The following CFAP97 variants were observed in gnomAD, a reference collection of about 807,000 sequenced individuals.
The protein encoded by CFAP97 is cilia- and flagella-associated protein 97.
In CFAP97, 36 loss-of-function variants were observed where a neutral mutation model predicts 43.1. The observed-to-expected ratio is 0.84, with a 90% CI of 0.64 to 1.10. The LOEUF is 1.10. Ranked by LOEUF, CFAP97 falls within the 50% of genes least tolerant of loss-of-function variation. The pLI, the probability that CFAP97 is intolerant of heterozygous loss-of-function variation, is 0.00. For synonymous variants in CFAP97, 228 were observed against 225.7 expected (o/e 1.01, Z -0.09); for missense variants, 657 against 620.3 (o/e 1.06, Z -0.63).
intron 1 of CFAP97, among the ~76,000 whole-genome samples, chr4:185,194,243 C>T (rs1227316866): frequency 2.0e-5 from 3 of 152,180 alleles, no homozygotes; most frequent in African/African-American, 7.2e-5. Flanking sequence ...AATCCCAACA[C>T]TTTGGGAAGC....
At chr4:185,176,198 C>T (rs907096753) in intron 2 of CFAP97, 147 bp from the exon 3 acceptor site, 15 of 680,570 alleles carry the variant, frequency 2.2e-5, no homozygotes, top group Non-Finnish European at 2.8e-5. Context: ...CTGCAACCTC[C>T]GCCTCCTGGG....
chr4:185,169,055 T>A lies in CFAP97; in HGVS notation c.1321-4876A>T, dbSNP rs878890426. Reference sequence around the variant, plus strand: ...CTCACAGAGTTACCATTTTTATTTATGTGTGTGGTGAGAACACCTAAGATC... The same window carrying A: ...CTCACAGAGTTACCATTTTTATTTAAGTGTGTGGTGAGAACACCTAAGATC... On this transcript the variant is annotated intron_variant, in intron 3 of 4. Transcript: ENST00000458385. 2.0e-5 allele frequency: 3 copies of A among 152,252 alleles called. No homozygotes were observed. The South Asian group carries it at 6.2e-4, about 31-fold the overall frequency. 9.4% of individuals were successfully genotyped at this position (152,252 alleles called of 1,614,324 possible).
intron 3 of CFAP97, among the ~76,000 whole-genome samples, chr4:185,168,078 G>T (rs559097834): frequency 6.6e-6 from 1 of 151,216 alleles, no homozygotes; most frequent in Admixed American, 6.6e-5. Flanking sequence ...TGTTTGACAT[G>T]CAACAGTATT....
intron 1 of CFAP97, among the ~76,000 whole-genome samples, chr4:185,199,161 C>A (rs777206764): frequency 7.9e-5 from 12 of 151,980 alleles, no homozygotes; most frequent in Non-Finnish European, 1.5e-4. Flanking sequence ...TCACTTGAGG[C>A]CAGGAGATGG....
rs563262750 is a variant in CFAP97, at chr4:185,162,091, C to G, written c.*707G>C. Reference sequence around the variant, plus strand: ...TCTAAGAGTCATAAATAGGACTTTACCTGAATGCATGAAAACACAAAAGGG... The same window carrying G: ...TCTAAGAGTCATAAATAGGACTTTAGCTGAATGCATGAAAACACAAAAGGG... On this transcript the variant is annotated 3_prime_UTR_variant, in exon 5 of 5. Coordinates refer to ENST00000458385, the MANE Select transcript of CFAP97 (RefSeq NM_020827.3). 2.0e-5 allele frequency: 3 copies of G among 152,178 alleles called. No homozygotes were observed. Among genetic ancestry groups the G allele is most frequent in the Non-Finnish European group, 2.9e-5 (2 of 68,046 alleles). The allele number at this position is 152,178 out of a possible 1,614,324, so 9.4% of individuals were successfully genotyped here.
chr4:185,167,754 C>A (rs1041410600), intron 3 of CFAP97, among the ~76,000 whole-genome samples: 1 of 151,892 alleles, frequency 6.6e-6, no homozygotes, highest in Non-Finnish European at 1.5e-5. Context: ...CAGCACTTTG[C>A]GAGGCTGAGG....
intron 2 of CFAP97, among the ~76,000 whole-genome samples, chr4:185,182,889 CAGG>C (rs1472421460): frequency 6.6e-6 from 1 of 152,094 alleles, no homozygotes; most frequent in East Asian, 1.9e-4. Context: ...CATCTGAGGT[CAGG>C]AGTTCACGAC....
chr4:185,170,353 A>AT (rs749715063), intron 3 of CFAP97: 1 of 544,736 alleles, frequency 1.8e-6, no homozygotes, highest in Non-Finnish European at 3.3e-6. Flanking sequence ...AAATAAATAA[A>AT]TAAAATAAAG....
chr4:185,195,926 T>A (rs1736518205), intron 1 of CFAP97, among the ~76,000 whole-genome samples: 1 of 152,158 alleles, frequency 6.6e-6, no homozygotes, highest in Non-Finnish European at 1.5e-5. Context: ...TACCCCACAG[T>A]GTAATGGTGA....
rs748390254 is a variant in CFAP97, at chr4:185,191,080, GTCA to G, written c.114_116del (p.Asp39del). The stretch of plus-strand genomic sequence containing the variant: ...TATCTTTATCTATTCTTTCCTTTGG[GTCA>G]TCATTTTGCTTGTCAAAAACTGAGT... On this transcript the variant is annotated inframe_deletion, in exon 2 of 5. Transcript: ENST00000458385. The G allele has an allele frequency of 7.8e-5, 126 of 1,612,598 alleles. No homozygotes were observed. Among genetic ancestry groups the G allele is most frequent in the Middle Eastern group, 1.6e-4 (1 of 6,078 alleles).
intron 2 of CFAP97, among the ~76,000 whole-genome samples, chr4:185,182,820 C>T (rs1479441439): frequency 1.3e-5 from 2 of 152,188 alleles, no homozygotes; most frequent in African/African-American, 4.8e-5. Flanking sequence ...AACAAACGGG[C>T]TGGGCGTGGT....
chr4:185,194,554 T>A (rs987687918), intron 1 of CFAP97, among the ~76,000 whole-genome samples: 2 of 152,104 alleles, frequency 1.3e-5, no homozygotes, highest in African/African-American at 4.8e-5. Context: ...AAGAAACAGG[T>A]CCTCACTCCA....
At chr4:185,175,260 CT>C (rs879419543) in intron 3 of CFAP97, among the ~76,000 whole-genome samples, 3 of 151,250 alleles carry the variant, frequency 2.0e-5, no homozygotes, top group South Asian at 4.2e-4. Context: ...CTCTCTCTCT[CT>C]TTTTTCTTCT....
chr4:185,175,103 TAA>T (rs1290611959), intron 3 of CFAP97, among the ~76,000 whole-genome samples: 1 of 152,186 alleles, frequency 6.6e-6, no homozygotes, highest in Non-Finnish European at 1.5e-5. Flanking sequence ...CACAATAAAG[TAA>T]AAGAGATTTC....
At chr4:185,183,840 CA>C (rs1735900362) in intron 2 of CFAP97, among the ~76,000 whole-genome samples, 1 of 152,294 alleles carries the variant, frequency 6.6e-6, no homozygotes, top group East Asian at 1.9e-4. Flanking sequence ...TCTCTTCTAT[CA>C]GGGGTTCTTT....
chr4:185,182,375 G>A (rs1261063934), intron 2 of CFAP97: 1 of 152,032 alleles, frequency 6.6e-6, no homozygotes, highest in Non-Finnish European at 1.5e-5. Flanking sequence ...GCTTTGCATG[G>A]AGGTGGAAAA....
chr4:185,172,081 C>T (rs1435281380), intron 3 of CFAP97, among the ~76,000 whole-genome samples: 1 of 151,976 alleles, frequency 6.6e-6, no homozygotes, highest in Non-Finnish European at 1.5e-5. Flanking sequence ...AAATTACTCC[C>T]CTTTTTACAA....
At chr4:185,166,341 A>T (rs953937923) in intron 3 of CFAP97, among the ~76,000 whole-genome samples, 3 of 152,168 alleles carry the variant, frequency 2.0e-5, no homozygotes, top group African/African-American at 7.2e-5. Context: ...CCACATCTCC[A>T]GTGTATTCTA....
chr4:185,170,983 CAAAAAAAAAAAAAAAAA>C (rs70962553), intron 3 of CFAP97, among the ~76,000 whole-genome samples: 1 of 72,950 alleles, frequency 1.4e-5, no homozygotes, highest in Admixed American at 1.9e-4. Flanking sequence ...GACTTTGTCT[CAAAAAAAAAAAAAAAAA>C]AAAAAAAAAA....
Sources: gnomAD v4.1 joint callset for allele counts (sites outside exome capture counted in the v4.1 genomes callset) on GRCh38, gnomAD v4.1.1 for gene constraint, MANE v1.5 for transcripts, NCBI Gene and HGNC (gene_info 2026-07-23, HGNC 2026-07-21) for gene names.